Variants in ADCY9 observed in about 807,000 individuals in gnomAD.
The protein encoded by ADCY9 is adenylate cyclase type 9.
In ADCY9, 50 loss-of-function variants were observed where a neutral mutation model predicts 101.5. That is an observed-to-expected ratio of 0.49 (90% CI 0.39 to 0.62). ADCY9 has a LOEUF of 0.62. Among genes scored for constraint, ADCY9 ranks in the 20% least tolerant of loss-of-function variants. The pLI, the probability that ADCY9 is intolerant of heterozygous loss-of-function variation, is 0.00. For synonymous variants in ADCY9, 905 were observed against 769.3 expected, an observed-to-expected ratio of 1.18 and a Z score of -2.92; for missense variants, 1,662 against 1,800.4, an observed-to-expected ratio of 0.92 and a Z score of 1.39.
chr16:4,036,085 C>T (rs561078677), intron 2 of ADCY9, among the ~76,000 whole-genome samples: 28 of 148,840 alleles, frequency 1.9e-4, no homozygotes, highest in Admixed American at 4.7e-4. Flanking sequence ...CCTTAGATCC[C>T]ATGATGCCAG....
At chr16:4,113,384 A>C (rs1291460697) in intron 2 of ADCY9, among the ~76,000 whole-genome samples, 1 of 152,222 alleles carries the variant, frequency 6.6e-6, no homozygotes, top group Non-Finnish European at 1.5e-5. Flanking sequence ...GGGTGACCAA[A>C]TGAATGCAAA....
At chr16:4,097,528 C>CATATATATATAT (rs1166805300) in intron 2 of ADCY9, among the ~76,000 whole-genome samples, 9 of 64,538 alleles carry the variant, frequency 1.4e-4, no homozygotes, top group African/African-American at 7.8e-4. Flanking sequence ...TACATATGTA[C>CATATATATATAT]ATATATATAT....
chr16:3,990,507 TGC>T (rs1326367877), intron 5 of ADCY9, among the ~76,000 whole-genome samples: 8 of 150,890 alleles, frequency 5.3e-5, no homozygotes, highest in Non-Finnish European at 1.0e-4. Context: ...ATATGTCAAG[TGC>T]CTCATGTGCC....
intron 2 of ADCY9, among the ~76,000 whole-genome samples, chr16:4,084,336 TCCTGA>T (rs200107545): frequency 0.013 from 1,909 of 152,104 alleles, 41 homozygotes; most frequent in African/African-American, 0.043. Context: ...GGTCTCGAAC[TCCTGA>T]CCTCAAGTGA....
At chr16:4,112,553 C>CACTATTACTTCTGCCGTCTCTGATTGAA (rs1381188424) in intron 2 of ADCY9, among the ~76,000 whole-genome samples, 4 of 152,010 alleles carry the variant, frequency 2.6e-5, no homozygotes, top group South Asian at 2.1e-4. Flanking sequence ...CTCTGACTGA[C>CACTATTACTTCTGCCGTCTCTGATTGAA]ACTATTACTT....
intron 2 of ADCY9, among the ~76,000 whole-genome samples, chr16:4,057,045 C>A (rs924216331): frequency 4.6e-5 from 6 of 130,792 alleles, no homozygotes; most frequent in East Asian, 2.7e-4. Context: ...ACCGCCCCCC[C>A]CCCCCCCGCC....
intron 2 of ADCY9, among the ~76,000 whole-genome samples, chr16:4,045,042 C>T (rs1265817381): frequency 6.6e-6 from 1 of 152,164 alleles, no homozygotes; most frequent in Non-Finnish European, 1.5e-5. Flanking sequence ...TTCGTATCAT[C>T]TGAGTTTATG....
chr16:4,056,100 C>T (rs924580411), intron 2 of ADCY9, among the ~76,000 whole-genome samples: 5 of 152,190 alleles, frequency 3.3e-5, no homozygotes, highest in African/African-American at 1.2e-4. Context: ...AAGCTGCGCC[C>T]TCCCCGCAAG....
intron 2 of ADCY9, chr16:4,053,885 C>T (rs948549817): frequency 6.6e-6 from 1 of 152,066 alleles, no homozygotes; most frequent in Non-Finnish European, 1.5e-5. Flanking sequence ...AGGGCATTAC[C>T]CAGAGGAGCA....
chr16:4,020,077 AAAAAAAGAAAAAG>A (rs1280291625), intron 2 of ADCY9, among the ~76,000 whole-genome samples: 1 of 16,682 alleles, frequency 6.0e-5, no homozygotes, highest in Non-Finnish European at 1.8e-4. Context: ...ACTCCATCTC[AAAAAAAGAAAAAG>A]AAAAAGAAAA....
chr16:4,071,644 G>T (rs1247422986), intron 2 of ADCY9, among the ~76,000 whole-genome samples: 1 of 152,152 alleles, frequency 6.6e-6, no homozygotes, highest in Non-Finnish European at 1.5e-5. Flanking sequence ...ACCATTGTTT[G>T]TGAGTTTTTA....
intron 2 of ADCY9, among the ~76,000 whole-genome samples, chr16:4,038,137 C>T (rs2056601960): frequency 6.6e-6 from 1 of 152,054 alleles, no homozygotes; most frequent in Non-Finnish European, 1.5e-5. Context: ...TTTAATGAGC[C>T]AGACGTGGTG....
intron 2 of ADCY9, among the ~76,000 whole-genome samples, chr16:4,097,987 G>A (rs1042469383): frequency 5.9e-5 from 9 of 152,060 alleles, no homozygotes; most frequent in East Asian, 1.9e-4. Context: ...TTCCAGTGGC[G>A]TGGAAACAGA....
intron 2 of ADCY9, among the ~76,000 whole-genome samples, chr16:4,015,060 CT>C (rs2056429354): frequency 6.6e-6 from 1 of 150,844 alleles, no homozygotes; most frequent in South Asian, 2.1e-4. Flanking sequence ...CTGCCTCAGC[CT>C]CCCGAGCAGC....
chr16:3,986,445 T>C (rs779333250), intron 6 of ADCY9, among the ~76,000 whole-genome samples: 1 of 152,076 alleles, frequency 6.6e-6, no homozygotes, highest in Non-Finnish European at 1.5e-5. Flanking sequence ...AGCTGATACA[T>C]GTTTGTTTTT....
chr16:4,048,715 T>G (rs796452596), intron 2 of ADCY9, among the ~76,000 whole-genome samples: 5 of 152,144 alleles, frequency 3.3e-5, no homozygotes, highest in African/African-American at 1.2e-4. Context: ...CTGCCCTTGC[T>G]GGATAAGCTC....
chr16:3,988,396 G>A (rs1331748964), intron 6 of ADCY9, among the ~76,000 whole-genome samples: 1 of 151,534 alleles, frequency 6.6e-6, no homozygotes, highest in Non-Finnish European at 1.5e-5. Context: ...GGACAGGTGG[G>A]ACGGGGGCTC....
intron 2 of ADCY9, among the ~76,000 whole-genome samples, chr16:4,071,332 CAAAAAAAAAAAAAAAAAAAAAA>C (rs530420293): frequency 1.4e-5 from 1 of 70,524 alleles, no homozygotes; most frequent in Non-Finnish European, 2.6e-5. Context: ...ACTCAGTCTC[CAAAAAAAAAAAAAAAAAAAAAA>C]AAAAAAAAAA....
intron 2 of ADCY9, among the ~76,000 whole-genome samples, chr16:4,067,267 T>G (rs1333024191): frequency 3.3e-5 from 5 of 152,210 alleles, no homozygotes; most frequent in African/African-American, 1.2e-4. Context: ...AGTAAAATAC[T>G]AATTCTTAAA....
Sources: gnomAD v4.1 joint callset for allele counts (sites outside exome capture counted in the v4.1 genomes callset) on GRCh38, gnomAD v4.1.1 for gene constraint, MANE v1.5 for transcripts, NCBI Gene and HGNC (gene_info 2026-07-23, HGNC 2026-07-21) for gene names.